TATDN1: variants seen among roughly 807,000 people sequenced by gnomAD.
TATDN1 encodes deoxyribonuclease TATDN1.
TATDN1 carries 40 observed loss-of-function variants against 46.4 expected under a neutral mutation model. The observed-to-expected ratio is 0.86, with a 90% CI of 0.67 to 1.12. The LOEUF (loss-of-function observed/expected upper bound fraction) is 1.12. TATDN1 is among the 50% of genes most tolerant of loss of function. The probability of loss-of-function intolerance (pLI) is 0.00; values close to 1 mark genes in which losing one functional copy is unlikely to be tolerated. For synonymous variants in TATDN1, 95 were observed against 105.6 expected (o/e 0.90, Z 0.62); for missense variants, 326 against 348.4 (o/e 0.94, Z 0.51).
At chr8:124,524,561 A>G (rs1820320554) in intron 1 of TATDN1, among the ~76,000 whole-genome samples, 1 of 152,228 alleles carries the variant, frequency 6.6e-6, no homozygotes, top group Non-Finnish European at 1.5e-5. Flanking sequence ...ACTGATCATT[A>G]GGAAAACAGA....
At chr8:124,516,378 C>G (rs1413293245) in intron 4 of TATDN1, among the ~76,000 whole-genome samples, 1 of 151,792 alleles carries the variant, frequency 6.6e-6, no homozygotes, top group African/African-American at 2.4e-5. Context: ...TCACAGCTTA[C>G]TGCAGCCTTG....
intron 4 of TATDN1, 137 bp from the exon 5 acceptor site, chr8:124,516,167 C>T: frequency 1.5e-6 from 1 of 681,502 alleles, no homozygotes; most frequent in Non-Finnish European, 2.2e-6. Flanking sequence ...ATAAGAACTG[C>T]ATTATGTTAA....
At chr8:124,531,403 A>G (rs1820943485) in intron 1 of TATDN1, among the ~76,000 whole-genome samples, 1 of 152,188 alleles carries the variant, frequency 6.6e-6, no homozygotes, top group Non-Finnish European at 1.5e-5. Context: ...AGACTGTTCA[A>G]CTAGCCCAGA....
chr8:124,530,413 G>A (rs1409829114), intron 1 of TATDN1, among the ~76,000 whole-genome samples: 1 of 152,186 alleles, frequency 6.6e-6, no homozygotes, highest in East Asian at 1.9e-4. Context: ...TAACTAAAGT[G>A]TTATCATGCC....
chr8:124,517,089 T>C (rs981550331), intron 4 of TATDN1, among the ~76,000 whole-genome samples: 1 of 152,230 alleles, frequency 6.6e-6, no homozygotes, highest in South Asian at 2.1e-4. Flanking sequence ...TGTTCTTATA[T>C]ATTTCAAAAA....
intron 1 of TATDN1, among the ~76,000 whole-genome samples, chr8:124,533,125 G>T (rs902246237): frequency 6.6e-6 from 1 of 151,918 alleles, no homozygotes; most frequent in African/African-American, 2.4e-5. Flanking sequence ...GGTGGCAGGC[G>T]CCTGTAGTCC....
chr8:124,538,878 C>T, intron 1 of TATDN1, 147 bp downstream of exon 1: 1 of 855,880 alleles, frequency 1.2e-6, no homozygotes. Context: ...TACCAGCACC[C>T]AGAAACCTCC....
At chr8:124,533,251 C>CA (rs138393666) in intron 1 of TATDN1, among the ~76,000 whole-genome samples, 13,085 of 93,110 alleles carry the variant, frequency 0.14, 625 homozygotes, top group East Asian at 0.21. Flanking sequence ...GACTCTGTCT[C>CA]AAAAAAAAAA....
intron 8 of TATDN1, among the ~76,000 whole-genome samples, chr8:124,507,842 T>G (rs539243128): frequency 7.9e-5 from 12 of 152,060 alleles, no homozygotes; most frequent in African/African-American, 2.9e-4. Flanking sequence ...CACAGGGTTT[T>G]CTTGTGAATG....
At chr8:124,533,905 G>A (rs1267013942) in intron 1 of TATDN1, among the ~76,000 whole-genome samples, 1 of 151,964 alleles carries the variant, frequency 6.6e-6, no homozygotes, top group Non-Finnish European at 1.5e-5. Flanking sequence ...CCAGCACTTT[G>A]GGAGGCTGAG....
At chr8:124,529,435 G>C (rs1820771872) in intron 1 of TATDN1, among the ~76,000 whole-genome samples, 2 of 152,180 alleles carry the variant, frequency 1.3e-5, no homozygotes, top group Admixed American at 6.5e-5. Context: ...CCTTCTGTAA[G>C]TTTGTGTAAG....
chr8:124,490,935 A>T (rs1350103955), intron 11 of TATDN1: 1 of 151,768 alleles, frequency 6.6e-6, no homozygotes. Flanking sequence ...GGCGCCCACC[A>T]CCATGCCCGG....
intron 1 of TATDN1, among the ~76,000 whole-genome samples, chr8:124,524,817 G>A (rs891791563): frequency 2.1e-4 from 32 of 152,200 alleles, no homozygotes; most frequent in Admixed American, 1.4e-3. Flanking sequence ...CATCAAAGGT[G>A]AGGGAAGATT....
chr8:124,519,495 T>C (rs1344779326), intron 3 of TATDN1, among the ~76,000 whole-genome samples: 3 of 152,210 alleles, frequency 2.0e-5, no homozygotes, highest in Non-Finnish European at 4.4e-5. Flanking sequence ...ATGTTGCTAA[T>C]TTTTTTGTTC....
chr8:124,511,160 G>A (rs757777815), intron 6 of TATDN1, among the ~76,000 whole-genome samples: 4 of 152,114 alleles, frequency 2.6e-5, no homozygotes, highest in Non-Finnish European at 5.9e-5. Context: ...TTCCACTTGA[G>A]TTATTTGCTC....
chr8:124,535,456 A>G (rs915391361), intron 1 of TATDN1, among the ~76,000 whole-genome samples: 6 of 152,226 alleles, frequency 3.9e-5, no homozygotes, highest in Non-Finnish European at 1.5e-5. Flanking sequence ...TAAATGGGAT[A>G]CCATTTTGGA....
intron 8 of TATDN1, 88 bp downstream of exon 8, chr8:124,508,386 A>T (rs954834110): frequency 4.4e-6 from 5 of 1,148,558 alleles, no homozygotes; most frequent in Admixed American, 4.4e-5. Flanking sequence ...AAAGGTTCAG[A>T]TTTTGGAGCA....
At chr8:124,502,955 T>A (rs1299513007) in intron 9 of TATDN1, among the ~76,000 whole-genome samples, 2 of 152,164 alleles carry the variant, frequency 1.3e-5, no homozygotes, top group Non-Finnish European at 1.5e-5. Flanking sequence ...AGAGTTGTGA[T>A]CACGCCACTG....
At chr8:124,514,428 T>G (rs1207487381) in intron 6 of TATDN1, among the ~76,000 whole-genome samples, 1 of 152,204 alleles carries the variant, frequency 6.6e-6, no homozygotes, top group East Asian at 1.9e-4. Context: ...TAAGAGAGAA[T>G]CTGATCCTAA....
Sources: allele counts gnomAD v4.1 joint callset (sites outside exome capture counted in the v4.1 genomes callset), GRCh38; gene constraint gnomAD v4.1.1; transcripts MANE v1.5; gene names NCBI Gene and HGNC (gene_info 2026-07-23, HGNC 2026-07-21).